FRMD6: variants seen among roughly 807,000 people sequenced by gnomAD.
The protein encoded by FRMD6 is FERM domain containing 6.
Under a neutral mutation model 73.2 loss-of-function variants are expected in FRMD6, and 37 were observed. That is an observed-to-expected ratio of 0.51 (90% CI 0.39 to 0.66). FRMD6 has a LOEUF of 0.66. Among genes scored for constraint, FRMD6 ranks in the 30% least tolerant of loss-of-function variants. The pLI is 0.00. For synonymous variants in FRMD6, 273 were observed against 282.2 expected, an observed-to-expected ratio of 0.97 and a Z score of 0.33; for missense variants, 714 against 780.5, an observed-to-expected ratio of 0.91 and a Z score of 1.02.
At chr14:51,429,198 G>A in the FRMD6 span, among the ~76,000 whole-genome samples, 4 of 152,120 alleles carry the variant, frequency 2.6e-5, no homozygotes, top group East Asian at 1.9e-4. Context: ...AAATGCCACC[G>A]ACTAATCCCA....
chr14:51,396,721 G>A, the FRMD6 span, among the ~76,000 whole-genome samples: 2 of 152,134 alleles, frequency 1.3e-5, no homozygotes, highest in South Asian at 2.1e-4. Flanking sequence ...AAAACTTTAG[G>A]TGAGTCATTA....
chr14:51,427,710 T>C, the FRMD6 span, among the ~76,000 whole-genome samples: 1 of 152,216 alleles, frequency 6.6e-6, no homozygotes, highest in Non-Finnish European at 1.5e-5. Flanking sequence ...TAAGTGAGCA[T>C]GCAGTGGTAT....
intron 1 of FRMD6, among the ~76,000 whole-genome samples, chr14:51,686,176 T>A (rs1186321985): frequency 2.0e-5 from 3 of 152,152 alleles, no homozygotes; most frequent in African/African-American, 7.2e-5. Flanking sequence ...AAAAAATACT[T>A]ACCTTAGTTT....
chr14:51,490,616 T>TGTG (rs1882938745), intron 1 of FRMD6, among the ~76,000 whole-genome samples: 1 of 148,024 alleles, frequency 6.8e-6, no homozygotes, highest in Non-Finnish European at 1.5e-5. Flanking sequence ...TGTGTGTATT[T>TGTG]TGTGTGTGTG....
At chr14:51,588,189 C>G (rs192011559) in intron 2 of FRMD6, among the ~76,000 whole-genome samples, 1 of 152,082 alleles carries the variant, frequency 6.6e-6, no homozygotes, top group Non-Finnish European at 1.5e-5. Flanking sequence ...ATTTCCCCCC[C>G]TCCCAAACCT....
intron 1 of FRMD6, among the ~76,000 whole-genome samples, chr14:51,536,078 T>A (rs57484992): frequency 0.064 from 8,870 of 139,384 alleles, 435 homozygotes; most frequent in African/African-American, 0.13. Flanking sequence ...TATATATATT[T>A]TATATATATA....
the FRMD6 span, among the ~76,000 whole-genome samples, chr14:51,483,681 T>C: frequency 6.6e-6 from 1 of 152,246 alleles, no homozygotes; most frequent in Admixed American, 6.5e-5. Flanking sequence ...AAAGCCATCG[T>C]AGGGTTTTAA....
chr14:51,542,706 A>G (rs75512585), intron 1 of FRMD6, among the ~76,000 whole-genome samples: 2,490 of 152,194 alleles, frequency 0.016, 68 homozygotes, highest in African/African-American at 0.055. Flanking sequence ...TGTTGTATAC[A>G]GTGGTTGTAC....
chr14:51,725,912 T>A, intron 13 of FRMD6, 42 bp downstream of exon 13: 2 of 1,458,094 alleles, frequency 1.4e-6, no homozygotes, highest in Non-Finnish European at 1.9e-6. Flanking sequence ...AAACTGAAGT[T>A]ATAGAAAATT....
chr14:51,721,852 T>C (rs1897635927), intron 11 of FRMD6, 97 bp from the exon 12 acceptor site: 3 of 1,396,082 alleles, frequency 2.1e-6, no homozygotes, highest in Non-Finnish European at 3.0e-6. Flanking sequence ...TATTTTCAAA[T>C]AGGAATAATT....
rs574171726 is a variant in FRMD6 at position 51,722,143 on chromosome 14, G to A, written c.1492+63G>A. The A allele has an allele frequency of 7.6e-6, 12 of 1,586,582 alleles. No individual in the cohort carries two copies. The East Asian group carries it at 2.5e-4, about 33-fold the overall frequency. ...GGTTATCCAGGACTGAAAAACACAT[G>A]CCTCAGAAAATAGAAGGGGTGAGCT... On this transcript the variant is annotated intron_variant, in intron 12 of 13. Coordinates refer to ENST00000344768, the MANE Select transcript of FRMD6 (RefSeq NM_001267046.2).
intron 2 of FRMD6, among the ~76,000 whole-genome samples, chr14:51,597,961 C>T (rs538238901): frequency 5.3e-5 from 8 of 152,242 alleles, no homozygotes; most frequent in Non-Finnish European, 1.2e-4. Flanking sequence ...CAGATGCAGA[C>T]GGCTGCCCCC....
intron 1 of FRMD6, among the ~76,000 whole-genome samples, chr14:51,504,080 C>A (rs923332538): frequency 6.6e-6 from 1 of 152,060 alleles, no homozygotes; most frequent in African/African-American, 2.4e-5. Flanking sequence ...GTGATATCCC[C>A]CTTACCATTT....
chr14:51,466,513 C>G, the FRMD6 span, among the ~76,000 whole-genome samples: 1 of 152,268 alleles, frequency 6.6e-6, no homozygotes, highest in African/African-American at 2.4e-5. Flanking sequence ...AAAGCCATTT[C>G]TTTCCCCATT....
chr14:51,693,287 A>T (rs1374141245), intron 2 of FRMD6, among the ~76,000 whole-genome samples: 1 of 152,166 alleles, frequency 6.6e-6, no homozygotes, highest in Non-Finnish European at 1.5e-5. Flanking sequence ...CATATATAAT[A>T]GCTGCTATTA....
the FRMD6 span, among the ~76,000 whole-genome samples, chr14:51,439,834 A>G: frequency 1.3e-5 from 2 of 152,164 alleles, no homozygotes; most frequent in Admixed American, 6.5e-5. Context: ...TTATTAAATT[A>G]TTGCTAGCGT....
chr14:51,582,254 G>A (rs1360216183), intron 2 of FRMD6, among the ~76,000 whole-genome samples: 2 of 152,156 alleles, frequency 1.3e-5, no homozygotes, highest in Non-Finnish European at 2.9e-5. Flanking sequence ...ATTTTGCTTT[G>A]TTTTTGAGAT....
chr14:51,482,313 C>A, the FRMD6 span, among the ~76,000 whole-genome samples: 1 of 152,214 alleles, frequency 6.6e-6, no homozygotes, highest in Non-Finnish European at 1.5e-5. Context: ...CCAGCCCTCG[C>A]ACGTGGTGTC....
At chr14:51,634,073 G>A (rs923958235) in intron 2 of FRMD6, among the ~76,000 whole-genome samples, 1 of 152,182 alleles carries the variant, frequency 6.6e-6, no homozygotes, top group East Asian at 1.9e-4. Context: ...AAGATACAAC[G>A]TCCACAAATA....
Sources: gnomAD v4.1 joint callset for allele counts (sites outside exome capture counted in the v4.1 genomes callset) on GRCh38, gnomAD v4.1.1 for gene constraint, MANE v1.5 for transcripts, NCBI Gene and HGNC (gene_info 2026-07-23, HGNC 2026-07-21) for gene names.